ST3GAL3: variants seen among roughly 807,000 people sequenced by gnomAD.
The protein encoded by ST3GAL3 is ST3 beta-galactoside alpha-2,3-sialyltransferase 3.
ST3GAL3 carries 21 observed loss-of-function variants against 50.1 expected under a neutral mutation model. The ratio of observed to expected loss-of-function variants is 0.42; its 90% CI spans 0.30 to 0.60. ST3GAL3 has a LOEUF of 0.60. ST3GAL3 is among the 20% of genes least tolerant of loss of function. The pLI, the probability that ST3GAL3 is intolerant of heterozygous loss-of-function variation, is 0.19. For missense variants in ST3GAL3, 353 were observed against 489.4 expected, an observed-to-expected ratio of 0.72 and a Z score of 2.63; for synonymous variants, 183 against 190.0, an observed-to-expected ratio of 0.96 and a Z score of 0.30.
intron 5 of ST3GAL3, among the ~76,000 whole-genome samples, chr1:43,865,234 G>A (rs1172470490): frequency 2.6e-5 from 4 of 151,992 alleles, no homozygotes; most frequent in Non-Finnish European, 1.5e-5. Flanking sequence ...TAGCCAGGAT[G>A]GTTTCGATCT....
At chr1:43,911,632 T>G (rs1253594155) in intron 9 of ST3GAL3, among the ~76,000 whole-genome samples, 1 of 133,356 alleles carries the variant, frequency 7.5e-6, no homozygotes, top group Non-Finnish European at 1.6e-5. Flanking sequence ...TCTATAGATA[T>G]CTATATCTAT....
In ST3GAL3 at chr1:43,920,386, C is replaced by G. The variant is rs778201735; in HGVS notation, c.745-18C>G. On this transcript the variant is annotated intron_variant, in intron 9 of 11. Coordinates refer to ENST00000347631, the MANE Select transcript of ST3GAL3 (RefSeq NM_006279.5). ...TTGCTGTGTGCCTCGTTGAGGCCCG[C>G]TTTTGCTGTGTCCACAGAGTGCATC... The G allele has an allele frequency of 6.2e-7, 1 of 1,614,096 alleles. No individual in the cohort carries two copies. Among genetic ancestry groups the G allele is most frequent in the South Asian group, 1.1e-5 (1 of 91,080 alleles).
At chr1:43,928,739 A>G (rs1268130554) in intron 11 of ST3GAL3, among the ~76,000 whole-genome samples, 1 of 151,930 alleles carries the variant, frequency 6.6e-6, no homozygotes, top group Admixed American at 6.6e-5. Flanking sequence ...TGAAACCCCC[A>G]TCTCTACTAA....
intron 11 of ST3GAL3, among the ~76,000 whole-genome samples, chr1:43,923,734 G>C (rs1405221547): frequency 6.6e-6 from 1 of 152,114 alleles, no homozygotes; most frequent in Non-Finnish European, 1.5e-5. Context: ...TCCCACCTCA[G>C]CCTCCCTAGT....
intron 3 of ST3GAL3, among the ~76,000 whole-genome samples, chr1:43,805,977 G>T (rs1400202900): frequency 6.6e-6 from 1 of 152,000 alleles, no homozygotes; most frequent in African/African-American, 2.4e-5. Flanking sequence ...CTTGTGATCC[G>T]CCCACCTTGG....
intron 5 of ST3GAL3, among the ~76,000 whole-genome samples, chr1:43,882,589 C>G (rs1248458223): frequency 6.6e-6 from 1 of 152,294 alleles, no homozygotes; most frequent in Middle Eastern, 3.4e-3. Flanking sequence ...GAAGATGGCT[C>G]CAGCTGTTCT....
chr1:43,748,684 A>G (rs1452450074), intron 2 of ST3GAL3, among the ~76,000 whole-genome samples: 1 of 152,136 alleles, frequency 6.6e-6, no homozygotes, highest in East Asian at 1.9e-4. Flanking sequence ...TGGCCTCCCA[A>G]AGTGTTGAGA....
chr1:43,812,697 T>C (rs541905463), intron 3 of ST3GAL3, among the ~76,000 whole-genome samples: 8 of 152,288 alleles, frequency 5.3e-5, no homozygotes, highest in Admixed American at 2.6e-4. Context: ...ACTCCTAAGC[T>C]CAAACAACTC....
In ST3GAL3 at chr1:43,737,369, C is replaced by T. The variant is rs1198317554; in HGVS notation, c.118+989C>T. The T allele has an allele frequency of 6.6e-6, 1 of 152,144 alleles. No homozygotes were observed. Among genetic ancestry groups the T allele is most frequent in the African/African-American group, 2.4e-5 (1 of 41,430 alleles). The allele number at this position is 152,144 out of a possible 1,614,324, so 9.4% of individuals were successfully genotyped here. ...TGGGAAGAAGCAACGGGCAATTGGC[C>T]TGCTGTTGTTCTAAGACCCTAACAT... On this transcript the variant is annotated intron_variant, in intron 2 of 11. Coordinates refer to ENST00000347631, the MANE Select transcript of ST3GAL3 (RefSeq NM_006279.5). The surrounding 1 kb of genome is among the most constrained non-coding windows in gnomAD (Gnocchi z 4.0).
At chr1:43,880,135 C>T (rs926183237) in intron 5 of ST3GAL3, among the ~76,000 whole-genome samples, 1 of 152,196 alleles carries the variant, frequency 6.6e-6, no homozygotes, top group Non-Finnish European at 1.5e-5. Context: ...CAGGCATTTA[C>T]GGAGCACCTG....
chr1:43,915,441 T>C (rs2081621124), intron 9 of ST3GAL3, among the ~76,000 whole-genome samples: 1 of 152,220 alleles, frequency 6.6e-6, no homozygotes, highest in Non-Finnish European at 1.5e-5. Context: ...AAGGAAATGG[T>C]ACATTCCTTG....
chr1:43,792,476 G>T (rs2058197283), intron 3 of ST3GAL3, among the ~76,000 whole-genome samples: 1 of 152,218 alleles, frequency 6.6e-6, no homozygotes, highest in Admixed American at 6.5e-5. Context: ...GGCATTGAAA[G>T]ACCCCAGGCT....
At chr1:43,925,651 C>T (rs2083791761) in intron 11 of ST3GAL3, among the ~76,000 whole-genome samples, 1 of 152,232 alleles carries the variant, frequency 6.6e-6, no homozygotes, top group South Asian at 2.1e-4. Flanking sequence ...CCTCACTTCA[C>T]CTGCATTTGC....
At chr1:43,926,854 T>A (rs1255629883) in intron 11 of ST3GAL3, among the ~76,000 whole-genome samples, 1 of 152,146 alleles carries the variant, frequency 6.6e-6, no homozygotes, top group East Asian at 1.9e-4. Flanking sequence ...TACTTTTTTA[T>A]GATGGAAATT....
At chr1:43,755,732 G>A (rs1050275197) in intron 2 of ST3GAL3, among the ~76,000 whole-genome samples, 1 of 152,100 alleles carries the variant, frequency 6.6e-6, no homozygotes. Context: ...GTTTCACTTA[G>A]GTAAATTAGA....
Position 43,898,931 on chromosome 1 carries a change from C to G in ST3GAL3, c.462-237C>G, listed in dbSNP as rs889943591. On this transcript the variant is annotated intron_variant, in intron 7 of 11. Transcript: ENST00000347631. ...GCCTGGCACCCAAGCCTTTCCATGG[C>G]CCTGTTTTCCTGGGGAAGTGTCAGG... The G allele has an allele frequency of 2.2e-5, 13 of 583,296 alleles. No homozygotes were observed. In the East Asian group the frequency reaches 3.8e-4, roughly 17 times the overall value. 36.1% of individuals were successfully genotyped at this position (583,296 alleles called of 1,614,324 possible).
chr1:43,776,909 C>T (rs1697465297), intron 2 of ST3GAL3, among the ~76,000 whole-genome samples: 1 of 152,136 alleles, frequency 6.6e-6, no homozygotes, highest in Admixed American at 6.5e-5. Flanking sequence ...ATTTTTGCCC[C>T]TTCTCTGGCT....
At chr1:43,847,022 A>G (rs2066369330) in intron 5 of ST3GAL3, among the ~76,000 whole-genome samples, 1 of 152,222 alleles carries the variant, frequency 6.6e-6, no homozygotes, top group Admixed American at 6.5e-5. Flanking sequence ...AGATATACAA[A>G]TGGCCAAAAA....
At chr1:43,891,817 T>C (rs2076716282) in intron 5 of ST3GAL3, among the ~76,000 whole-genome samples, 1 of 152,194 alleles carries the variant, frequency 6.6e-6, no homozygotes, top group Non-Finnish European at 1.5e-5. Context: ...AGAGAAAGTT[T>C]ATAGAAGTAC....
Sources: allele counts gnomAD v4.1 joint callset (sites outside exome capture counted in the v4.1 genomes callset), GRCh38; gene constraint gnomAD v4.1.1; non-coding constraint Gnocchi (gnomAD v3.1); transcripts MANE v1.5; gene names NCBI Gene and HGNC (gene_info 2026-07-23, HGNC 2026-07-21).